The following ADAMTSL1 variants were observed in gnomAD, a reference collection of about 807,000 sequenced individuals.
The protein encoded by ADAMTSL1 is ADAMTS like 1.
A neutral mutation model predicts 201.8 loss-of-function variants in ADAMTSL1; 126 were observed. The ratio of observed to expected loss-of-function variants is 0.62; its 90% CI spans 0.54 to 0.72. ADAMTSL1 has a LOEUF of 0.72. Ranked by LOEUF, ADAMTSL1 falls within the 30% of genes least tolerant of loss-of-function variation. The probability of loss-of-function intolerance (pLI) is 0.00; values close to 1 mark genes in which losing one functional copy is unlikely to be tolerated. For synonymous variants in ADAMTSL1, 1,121 were observed against 903.4 expected (o/e 1.24, Z -4.32); for missense variants, 2,679 against 2,277.8 (o/e 1.18, Z -3.59).
intron 2 of ADAMTSL1, among the ~76,000 whole-genome samples, chr9:18,275,367 C>A (rs1832545002): frequency 1.3e-5 from 2 of 152,098 alleles, no homozygotes; most frequent in Non-Finnish European, 2.9e-5. Context: ...TTTATATATA[C>A]AATAAAATTA....
intron 20 of ADAMTSL1, among the ~76,000 whole-genome samples, chr9:18,801,061 G>C (rs753873391): frequency 9.9e-5 from 15 of 152,178 alleles, no homozygotes; most frequent in Non-Finnish European, 1.5e-4. Context: ...GGAATGTCTG[G>C]GAAAAGGCAG....
intron 3 of ADAMTSL1, among the ~76,000 whole-genome samples, chr9:18,559,747 G>C (rs1821351768): frequency 6.6e-6 from 1 of 152,010 alleles, no homozygotes; most frequent in South Asian, 2.1e-4. Flanking sequence ...TATATTCCTA[G>C]GTATTTTATT....
At chr9:18,869,107 A>G (rs1301585052) in intron 23 of ADAMTSL1, among the ~76,000 whole-genome samples, 1 of 152,250 alleles carries the variant, frequency 6.6e-6, no homozygotes, top group Non-Finnish European at 1.5e-5. Context: ...AAGACAGAGC[A>G]GAGTGATGCA....
rs529242031 is a variant in ADAMTSL1 at position 18,148,127 on chromosome 9, G to A, written c.88-15735G>A. On this transcript the variant is annotated intron_variant, in intron 1 of 29. Transcript: ENST00000680146. ...AATATTTTAAAACCCTAGAAACATA[G>A]TAATGTGTCTACAACAAAAACCTGA... Among the ~76,000 whole-genome samples the A allele has an allele frequency of 2.0e-5, 3 of 152,112 alleles. No homozygotes were observed. In the South Asian group the frequency reaches 6.2e-4, roughly 32 times the overall value.
intron 16 of ADAMTSL1, among the ~76,000 whole-genome samples, chr9:18,756,227 C>T (rs1297113595): frequency 2.3e-5 from 3 of 131,514 alleles, no homozygotes; most frequent in Admixed American, 1.7e-4. Context: ...TGCAGTGAGC[C>T]GAGATTGCAC....
At chr9:18,260,921 C>T (rs1290858343) in intron 2 of ADAMTSL1, among the ~76,000 whole-genome samples, 1 of 151,852 alleles carries the variant, frequency 6.6e-6, no homozygotes, top group Non-Finnish European at 1.5e-5. Flanking sequence ...TTTCTCTCGG[C>T]TCTGGCTATG....
rs144984299 is a variant in ADAMTSL1 at position 18,360,515 on chromosome 9, G to A, written c.208-144314G>A. On this transcript the variant is annotated intron_variant, in intron 2 of 29. Coordinates refer to the ADAMTSL1 transcript ENST00000680146. ...ACGACTTCATGCTTTGGGGTAAAGA[G>A]GTGAGATACCCTAAATGAATGATGA... 116 of 152,190 alleles carry A rather than the reference G, an allele frequency of 7.6e-4. No individual in the cohort carries two copies. In the East Asian group the frequency reaches 0.012, roughly 15 times the overall value. 9.4% of individuals were successfully genotyped at this position (152,190 alleles called of 1,614,324 possible).
chr9:18,805,979 C>T (rs1028241855), intron 20 of ADAMTSL1, among the ~76,000 whole-genome samples: 5 of 152,198 alleles, frequency 3.3e-5, no homozygotes, highest in African/African-American at 1.2e-4. Flanking sequence ...ATGCACACCT[C>T]CTAGCCTAAA....
At chr9:18,622,751 T>G (rs988248550) in intron 5 of ADAMTSL1, 4 of 358,252 alleles carry the variant, frequency 1.1e-5, no homozygotes, top group Non-Finnish European at 1.5e-5. Context: ...ACAAATTCAC[T>G]CCTGTCACTG....
chr9:17,992,286 G>C (rs2383059), intron 1 of ADAMTSL1, among the ~76,000 whole-genome samples: 8,289 of 152,200 alleles, frequency 0.054, 340 homozygotes, highest in African/African-American at 0.1. Context: ...AAGTTTATCT[G>C]CAGCTGGTGC....
chr9:18,741,805 T>C (rs1818845328), intron 15 of ADAMTSL1, among the ~76,000 whole-genome samples: 2 of 152,200 alleles, frequency 1.3e-5, no homozygotes, highest in Admixed American at 1.3e-4. Flanking sequence ...TCTTCCCTTC[T>C]GTGAATCTAT....
intron 19 of ADAMTSL1, among the ~76,000 whole-genome samples, chr9:18,780,018 A>C (rs924091917): frequency 6.6e-6 from 1 of 152,230 alleles, no homozygotes; most frequent in African/African-American, 2.4e-5. Context: ...AGACAGGGCA[A>C]TGGGAAGGGG....
intron 2 of ADAMTSL1, among the ~76,000 whole-genome samples, chr9:18,227,611 G>A (rs572777674): frequency 3.9e-5 from 6 of 152,148 alleles, no homozygotes; most frequent in Non-Finnish European, 7.3e-5. Context: ...CAGCACATAT[G>A]CCTGTACATT....
rs182503630 is a variant in ADAMTSL1, at chr9:18,299,991, G to A, written c.207+136010G>A. Among the ~76,000 whole-genome samples the A allele has an allele frequency of 5.3e-5, 8 of 152,284 alleles. No homozygotes were observed. In the East Asian group the frequency reaches 1.5e-3, roughly 29 times the overall value. Reference sequence around the variant, plus strand: ...TTCAAAACTCCAAGTGAAGAAATAGGAACACTTTTACACTATTGGTGGGAG... The same window carrying A: ...TTCAAAACTCCAAGTGAAGAAATAGAAACACTTTTACACTATTGGTGGGAG... On this transcript the variant is annotated intron_variant, in intron 2 of 29. Transcript: ENST00000680146.
chr9:18,301,704 T>C (rs1563870983), intron 2 of ADAMTSL1, among the ~76,000 whole-genome samples: 1 of 152,204 alleles, frequency 6.6e-6, no homozygotes, highest in Non-Finnish European at 1.5e-5. Context: ...AAGGAGGGAC[T>C]GCTGTACACA....
chr9:17,935,410 A>G lies in ADAMTSL1; in HGVS notation c.87+28488A>G, dbSNP rs145859043. Among the ~76,000 whole-genome samples, 702 of 152,286 alleles carry G rather than the reference A, an allele frequency of 4.6e-3. 5 individuals carry two copies. Among genetic ancestry groups the G allele is most frequent in the African/African-American group, 0.016 (669 of 41,556 alleles). ...GAAATACTATTTAGACTGATTATCTAGATTTGTATCTGTAGCTTGGAAGTT... is the reference window on the plus strand; with the variant it reads ...GAAATACTATTTAGACTGATTATCTGGATTTGTATCTGTAGCTTGGAAGTT... On this transcript the variant is annotated intron_variant, in intron 1 of 29. Transcript: ENST00000680146.
At chr9:18,234,861 A>G (rs1209952581) in intron 2 of ADAMTSL1, among the ~76,000 whole-genome samples, 2 of 152,200 alleles carry the variant, frequency 1.3e-5, no homozygotes, top group Non-Finnish European at 2.9e-5. Flanking sequence ...GTCAAGTACC[A>G]ACTTTTTCAT....
intron 2 of ADAMTSL1, among the ~76,000 whole-genome samples, chr9:18,230,556 T>C (rs1830610587): frequency 6.6e-6 from 1 of 151,966 alleles, no homozygotes; most frequent in South Asian, 2.1e-4. Flanking sequence ...GCCTAATAAA[T>C]AAATTATATC....
Position 18,617,235 on chromosome 9 carries a change from T to C in ADAMTSL1, c.475-5008T>C, listed in dbSNP as rs190183674. Among the ~76,000 whole-genome samples, 6 of 152,354 alleles carry C rather than the reference T, an allele frequency of 3.9e-5. No individual in the cohort carries two copies. The East Asian group carries it at 1.2e-3, about 29-fold the overall frequency. ...CAGTCTGAGGCATGATATCTGCTTA[T>C]GGATTATGTTTATTTATGTTCTCCA... On this transcript the variant is annotated intron_variant, in intron 4 of 28. Transcript: ENST00000380548.
Sources: allele counts gnomAD v4.1 joint callset (sites outside exome capture counted in the v4.1 genomes callset), GRCh38; gene constraint gnomAD v4.1.1; transcripts MANE v1.5; gene names NCBI Gene and HGNC (gene_info 2026-07-23, HGNC 2026-07-21).